The following OR2L13 variants were observed in gnomAD, a reference collection of about 807,000 sequenced individuals.
OR2L13 encodes the protein olfactory receptor family 2 subfamily L member 13, also known as olfactory receptor 2L13.
OR2L13 carries 14 observed loss-of-function variants against 15.3 expected under a neutral mutation model. That is an observed-to-expected ratio of 0.91 (90% CI 0.60 to 1.43). The LOEUF is 1.43. Among genes scored for constraint, OR2L13 ranks in the 40% most tolerant of loss-of-function variants. The pLI, the probability that OR2L13 is intolerant of heterozygous loss-of-function variation, is 0.00. For missense variants in OR2L13, 367 were observed against 387.9 expected, an observed-to-expected ratio of 0.95 and a Z score of 0.45; for synonymous variants, 152 against 142.9, an observed-to-expected ratio of 1.06 and a Z score of -0.45.
chr1:248,071,214 G>A, the OR2L13 span, among the ~76,000 whole-genome samples: 1 of 152,124 alleles, frequency 6.6e-6, no homozygotes, highest in African/African-American at 2.4e-5. Context: ...GAACATTGAT[G>A]CAAAAATCCT....
the OR2L13 span, chr1:248,035,759 A>G: frequency 6.6e-6 from 1 of 152,208 alleles, no homozygotes; most frequent in African/African-American, 2.4e-5. Flanking sequence ...GCCACAGTCA[A>G]TAGTGACCTG....
chr1:247,965,804 T>C, the OR2L13 span: 3 of 1,608,360 alleles, frequency 1.9e-6, no homozygotes, highest in South Asian at 3.3e-5. Context: ...ATCTGCTGCC[T>C]CATGGTTGCA....
chr1:248,053,299 G>C, the OR2L13 span, among the ~76,000 whole-genome samples: 8 of 152,140 alleles, frequency 5.3e-5, no homozygotes, highest in East Asian at 1.4e-3. Flanking sequence ...ATTTTTTATG[G>C]CTGTATAGTA....
At chr1:248,047,506 T>A in the OR2L13 span, among the ~76,000 whole-genome samples, 1 of 152,194 alleles carries the variant, frequency 6.6e-6, no homozygotes, top group Non-Finnish European at 1.5e-5. Context: ...CTTCTGGAAA[T>A]CAATAATGAA....
the OR2L13 span, among the ~76,000 whole-genome samples, chr1:248,028,483 T>C: frequency 6.6e-6 from 1 of 152,266 alleles, no homozygotes; most frequent in Non-Finnish European, 1.5e-5. Context: ...AATATGATTA[T>C]GCATTTAAAA....
the OR2L13 span, among the ~76,000 whole-genome samples, chr1:248,067,487 A>C: frequency 6.6e-6 from 1 of 152,324 alleles, no homozygotes; most frequent in East Asian, 1.9e-4. Context: ...AATTTTCTTT[A>C]ATAGCTAAAT....
the OR2L13 span, chr1:247,965,333 T>C: frequency 6.4e-7 from 1 of 1,552,090 alleles, no homozygotes; most frequent in South Asian, 1.3e-5. Flanking sequence ...CATTATTACA[T>C]GAACATTTCA....
chr1:248,045,615 C>T, the OR2L13 span, among the ~76,000 whole-genome samples: 5 of 152,152 alleles, frequency 3.3e-5, no homozygotes, highest in Admixed American at 2.0e-4. Context: ...CCTACTATTA[C>T]GTTAAAAATC....
chr1:247,978,174 TA>T, the OR2L13 span, among the ~76,000 whole-genome samples: 1 of 152,170 alleles, frequency 6.6e-6, no homozygotes, highest in Non-Finnish European at 1.5e-5. Flanking sequence ...TTAAGAGCTG[TA>T]GCAATCACCG....
At chr1:247,994,267 G>A in the OR2L13 span, among the ~76,000 whole-genome samples, 3 of 152,124 alleles carry the variant, frequency 2.0e-5, no homozygotes, top group Non-Finnish European at 2.9e-5. Flanking sequence ...CGTGGTGGCG[G>A]GCGCCTGTAG....
the OR2L13 span, chr1:248,003,554 C>A: frequency 6.2e-7 from 1 of 1,612,400 alleles, no homozygotes; most frequent in Non-Finnish European, 8.5e-7. Flanking sequence ...AGTGTGTGTG[C>A]TGATGATAAC....
the OR2L13 span, chr1:248,084,326 G>C: frequency 2.5e-6 from 4 of 1,611,340 alleles, no homozygotes; most frequent in East Asian, 4.5e-5. Flanking sequence ...CAGCGCGGGA[G>C]ATGGCCTTAT....
the OR2L13 span, chr1:248,060,757 C>G: frequency 6.2e-7 from 1 of 1,614,026 alleles, no homozygotes; most frequent in Non-Finnish European, 8.5e-7. Context: ...TGGCCTTTTC[C>G]TCTTCATCCT....
At chr1:247,940,708 TTG>T in the OR2L13 span, among the ~76,000 whole-genome samples, 18 of 141,252 alleles carry the variant, frequency 1.3e-4, no homozygotes, top group African/African-American at 4.5e-4. Flanking sequence ...TAGAATGATT[TTG>T]TGTGTGTGTG....
chr1:248,065,223 C>A, the OR2L13 span, among the ~76,000 whole-genome samples: 1 of 152,122 alleles, frequency 6.6e-6, no homozygotes, highest in East Asian at 1.9e-4. Flanking sequence ...TTATTTTTCA[C>A]TTCACAGTCA....
chr1:247,988,956 CA>C, the OR2L13 span, among the ~76,000 whole-genome samples: 1 of 152,060 alleles, frequency 6.6e-6, no homozygotes, highest in Non-Finnish European at 1.5e-5. Flanking sequence ...GAAGGATCCA[CA>C]AAGTCTATGT....
the OR2L13 span, among the ~76,000 whole-genome samples, chr1:248,044,809 CAAAAAAAAAAA>C: frequency 9.8e-4 from 8 of 8,130 alleles, no homozygotes; most frequent in South Asian, 0.025. Flanking sequence ...AACTCCGTCT[CAAAAAAAAAAA>C]AAAAAAAAAA....
the OR2L13 span, among the ~76,000 whole-genome samples, chr1:248,078,147 C>A: frequency 1.3e-5 from 2 of 152,110 alleles, no homozygotes; most frequent in Admixed American, 6.6e-5. Flanking sequence ...AAATAAGATG[C>A]AATGCAATTG....
At chr1:248,067,761 CG>C in the OR2L13 span, among the ~76,000 whole-genome samples, 7 of 152,208 alleles carry the variant, frequency 4.6e-5, no homozygotes, top group South Asian at 4.1e-4. Flanking sequence ...GGGTGACAGA[CG>C]GCACCTGGAA....
Sources: allele counts gnomAD v4.1 joint callset (sites outside exome capture counted in the v4.1 genomes callset), GRCh38; gene constraint gnomAD v4.1.1; transcripts MANE v1.5; gene names NCBI Gene and HGNC (gene_info 2026-07-23, HGNC 2026-07-21).